MRPS5: variants seen among roughly 807,000 people sequenced by gnomAD.
MRPS5 encodes small ribosomal subunit protein uS5m.
MRPS5 carries 27 observed loss-of-function variants against 51.9 expected under a neutral mutation model. That is an observed-to-expected ratio of 0.52 (90% confidence interval 0.38 to 0.72). The LOEUF is 0.72. Ranked by LOEUF, MRPS5 falls within the 30% of genes least tolerant of loss-of-function variation. MRPS5 has a pLI of 0.00. For synonymous variants in MRPS5, 196 were observed against 193.2 expected (o/e 1.01, Z -0.12); for missense variants, 570 against 545.7 (o/e 1.04, Z -0.44).
chr2:95,115,291 A>G (rs890088185), intron 2 of MRPS5, 88 bp from the exon 3 acceptor site: 41 of 1,222,838 alleles, frequency 3.4e-5, no homozygotes, highest in South Asian at 1.7e-4. Context: ...ACTAACAAAA[A>G]TAAGTCACTA....
chr2:95,100,979 TCA>T, intron 8 of MRPS5, 85 bp from the exon 9 acceptor site: 1 of 1,222,562 alleles, frequency 8.2e-7, no homozygotes, highest in Non-Finnish European at 1.1e-6. Context: ...TAAAAATGTT[TCA>T]TTATCAAAAA....
At chr2:95,096,217 C>T (rs752887028) in intron 10 of MRPS5, among the ~76,000 whole-genome samples, 15 of 152,112 alleles carry the variant, frequency 9.9e-5, no homozygotes, top group Non-Finnish European at 2.2e-4. Context: ...AAAAAAAGTC[C>T]AGGACCAGAC....
At chr2:95,108,828 A>G (rs1676030980) in intron 4 of MRPS5, among the ~76,000 whole-genome samples, 1 of 152,216 alleles carries the variant, frequency 6.6e-6, no homozygotes, top group Non-Finnish European at 1.5e-5. Context: ...TGAGTGAAAA[A>G]AGTAAACTGT....
Position 95,087,365 on chromosome 2 carries a change from C to A in MRPS5, c.1285G>T (p.Ala429Ser), listed in dbSNP as rs150875357. Reference protein sequence around the residue: ...RSVWSNLKRAAT With the variant: ...RSVWSNLKRAST ...GCACAAGGCCAGAGAGGTTACGTGGCGGCTCTCTTCAAATTAGACCACACA... is the reference window on the plus strand; with the variant it reads ...GCACAAGGCCAGAGAGGTTACGTGGAGGCTCTCTTCAAATTAGACCACACA... The change falls in exon 12 of 12, where the codon GCC becomes TCC. Residue 429 changes from alanine to serine, a missense_variant. Ala to Ser is a moderately conservative substitution (Grantham distance 99). Coordinates refer to ENST00000272418, the MANE Select transcript of MRPS5 (RefSeq NM_031902.5). 4.3e-5 allele frequency: 69 copies of A among 1,613,792 alleles called. No individual in the cohort carries two copies. In the East Asian group the frequency reaches 1.5e-3, roughly 34 times the overall value.
At chr2:95,118,008 T>A in intron 1 of MRPS5, 63 bp from the exon 2 acceptor site, 1 of 1,220,176 alleles carries the variant, frequency 8.2e-7, no homozygotes, top group Non-Finnish European at 1.2e-6. Flanking sequence ...TTTTAAACAG[T>A]AACACCCACA....
At chr2:95,121,396 C>T (rs1676444313) in intron 1 of MRPS5, among the ~76,000 whole-genome samples, 1 of 152,230 alleles carries the variant, frequency 6.6e-6, no homozygotes, top group South Asian at 2.1e-4. Context: ...CCCACGTCAA[C>T]ATCAAATGAA....
chr2:95,115,072 T>C lies in MRPS5; in HGVS notation c.271A>G (p.Thr91Ala). 1 of 1,553,026 alleles carries C rather than the reference T, an allele frequency of 6.4e-7. No individual in the cohort carries two copies. The highest frequency in any genetic ancestry group is 8.7e-7 in the Non-Finnish European group (1 of 1,154,344). Residue 91 changes from threonine to alanine, a missense_variant, in exon 3 of 12, where the codon ACT becomes GCT. By Grantham distance (58) the Thr-to-Ala change is moderately conservative. Coordinates refer to ENST00000272418, the MANE Select transcript of MRPS5 (RefSeq NM_031902.5). ...SQQYRPYSFF[T>A]KLTADELWKG... ...TTGTGGCCATTCTACATACATTTAGTGAAGAAACTATATGGTCTATACTGC... is the reference window on the plus strand; with the variant it reads ...TTGTGGCCATTCTACATACATTTAGCGAAGAAACTATATGGTCTATACTGC...
intron 4 of MRPS5, among the ~76,000 whole-genome samples, chr2:95,109,577 CA>C (rs1241426025): frequency 1.3e-5 from 2 of 152,246 alleles, no homozygotes; most frequent in African/African-American, 2.4e-5. Flanking sequence ...CTCACAATGC[CA>C]GAAACATTTA....
chr2:95,103,365 C>A (rs1006504372), intron 7 of MRPS5, among the ~76,000 whole-genome samples: 2 of 152,272 alleles, frequency 1.3e-5, no homozygotes, highest in East Asian at 3.9e-4. Context: ...TGTTCAAGCT[C>A]TCATAATTTA....
rs142791711 is a variant in MRPS5 at position 95,090,882 on chromosome 2, C to T, written c.932-360G>A. ...CTCTTCTCACCCTCCTTGATAGTTC[C>T]GTTGCCCTGAGCAGAGGGTCCACTT... On this transcript the variant is annotated intron_variant, in intron 10 of 11. Transcript: ENST00000272418. 697 of 196,626 alleles carry T rather than the reference C, an allele frequency of 3.5e-3. 5 individuals carry two copies. Among genetic ancestry groups the T allele is most frequent in the African/African-American group, 0.014 (599 of 43,658 alleles). The allele number at this position is 196,626 out of a possible 1,614,324, so 12.2% of individuals were successfully genotyped here. A position where few individuals can be genotyped will look rare whatever the true frequency, so the allele number is the denominator to read the frequency against.
At chr2:95,089,138 T>TA (rs1204422471) in intron 11 of MRPS5, among the ~76,000 whole-genome samples, 1 of 152,128 alleles carries the variant, frequency 6.6e-6, no homozygotes, top group Non-Finnish European at 1.5e-5. Flanking sequence ...ACAACCTATC[T>TA]AAAATCAACA....
chr2:95,121,451 G>A (rs529491459), intron 1 of MRPS5, among the ~76,000 whole-genome samples: 2 of 152,320 alleles, frequency 1.3e-5, no homozygotes, highest in South Asian at 4.1e-4. Context: ...GCCAGTTTCC[G>A]CTCCTCTTCG....
At position 95,110,382 on chromosome 2, in the gene MRPS5, C is replaced by T. The variant is rs190633189; in HGVS notation, c.278-341G>A. 7.7e-3 allele frequency among the ~76,000 whole-genome samples: 1,178 copies of T among 152,346 alleles called. 11 individuals are homozygous for T. Among genetic ancestry groups the T allele is most frequent in the Middle Eastern group, 0.027 (8 of 294 alleles). On this transcript the variant is annotated intron_variant, in intron 3 of 11. Transcript: ENST00000272418. Reference sequence around the variant, plus strand: ...CCATGATATAGGCGTCTTCCCTGTCCTCTTGCCTCCATTATAACCACTAAG... The same window carrying T: ...CCATGATATAGGCGTCTTCCCTGTCTTCTTGCCTCCATTATAACCACTAAG...
intron 1 of MRPS5, among the ~76,000 whole-genome samples, chr2:95,120,926 C>G (rs1573357388): frequency 6.6e-6 from 1 of 151,942 alleles, no homozygotes; most frequent in Non-Finnish European, 1.5e-5. Flanking sequence ...GAGACCAGTA[C>G]GACCAACATG....
chr2:95,117,610 GTTA>G (rs1335915669), intron 2 of MRPS5, among the ~76,000 whole-genome samples: 2 of 150,550 alleles, frequency 1.3e-5, no homozygotes, highest in Non-Finnish European at 3.0e-5. Flanking sequence ...CCCCGTAATT[GTTA>G]TTTAGTTACT....
In MRPS5 at chr2:95,087,257, C is replaced by G; in HGVS notation, c.*100G>C. On this transcript the variant is annotated 3_prime_UTR_variant, in exon 12 of 12. Transcript: ENST00000272418. The stretch of plus-strand genomic sequence containing the variant: ...AAGAGTTTAAAGATTAAACTTCCCT[C>G]AAAACAAACAAAAGGCAAGGTAACA... The G allele has an allele frequency of 2.3e-6, 2 of 864,530 alleles. No individual in the cohort carries two copies. Among genetic ancestry groups the G allele is most frequent in the Non-Finnish European group, 3.6e-6 (2 of 556,402 alleles). 53.6% of individuals were successfully genotyped at this position (864,530 alleles called of 1,614,324 possible).
chr2:95,109,153 T>G (rs1676042677), intron 4 of MRPS5, among the ~76,000 whole-genome samples: 1 of 151,790 alleles, frequency 6.6e-6, no homozygotes, highest in Admixed American at 6.6e-5. Flanking sequence ...CATTTTTTAC[T>G]GAGAAAGTAT....
upstream of MRPS5, chr2:95,121,809 G>A (rs1212011371): frequency 7.8e-6 from 12 of 1,532,504 alleles, no homozygotes; most frequent in Admixed American, 1.9e-5. Flanking sequence ...TCCGAGCCGC[G>A]CCTCGGCCTC....
At chr2:95,101,011 T>G (rs1419083533) in intron 8 of MRPS5, 117 bp from the exon 9 acceptor site, 1 of 762,968 alleles carries the variant, frequency 1.3e-6, no homozygotes, top group East Asian at 2.7e-5. Flanking sequence ...GCAAAAAGGT[T>G]AGTATATACT....
Sources: gnomAD v4.1 joint callset for allele counts (sites outside exome capture counted in the v4.1 genomes callset) on GRCh38, gnomAD v4.1.1 for gene constraint, MANE v1.5 for transcripts, NCBI Gene and HGNC (gene_info 2026-07-23, HGNC 2026-07-21) for gene names.